DIP2C: variants seen among roughly 807,000 people sequenced by gnomAD.
DIP2C encodes the protein disco-interacting protein 2 homolog C.
A neutral mutation model predicts 192.4 loss-of-function variants in DIP2C; 33 were observed. That is an observed-to-expected ratio of 0.17 (90% CI 0.13 to 0.23). The LOEUF is 0.23. Ranked by LOEUF, DIP2C falls within the 10% of genes least tolerant of loss-of-function variation. The pLI is 1.00. For missense variants in DIP2C, 1,537 were observed against 2,110.1 expected, an observed-to-expected ratio of 0.73 and a Z score of 5.32; for synonymous variants, 979 against 864.1, an observed-to-expected ratio of 1.13 and a Z score of -2.33.
At chr10:575,887 T>TGC (rs1242065298) in intron 1 of DIP2C, among the ~76,000 whole-genome samples, 1 of 152,214 alleles carries the variant, frequency 6.6e-6, no homozygotes, top group Non-Finnish European at 1.5e-5. Context: ...TGGTCTTACC[T>TGC]GCGCCTCTCC....
intron 1 of DIP2C, among the ~76,000 whole-genome samples, chr10:671,796 A>G (rs371031788): frequency 0.012 from 1,602 of 138,030 alleles, no homozygotes; most frequent in African/African-American, 0.045. Flanking sequence ...GACGGAGGAA[A>G]CAGGCCACAG....
At chr10:390,673 G>A (rs1317766757) in intron 11 of DIP2C, 67 bp downstream of exon 11, 18 of 1,566,704 alleles carry the variant, frequency 1.1e-5, no homozygotes, top group African/African-American at 6.8e-5. Flanking sequence ...GCGGGGTGAC[G>A]TATTCCCGCA....
intron 10 of DIP2C, among the ~76,000 whole-genome samples, chr10:397,581 C>T (rs1964095479): frequency 6.6e-6 from 1 of 151,656 alleles, no homozygotes; most frequent in South Asian, 2.1e-4. Flanking sequence ...GCAGTGTGCA[C>T]AGGCACATTG....
At chr10:568,857 C>A (rs1264126074) in intron 1 of DIP2C, among the ~76,000 whole-genome samples, 1 of 146,914 alleles carries the variant, frequency 6.8e-6, no homozygotes, top group Non-Finnish European at 1.5e-5. Flanking sequence ...CAAATGTCTA[C>A]CTGCAATGAG....
At chr10:537,853 G>C (rs946400606) in intron 1 of DIP2C, among the ~76,000 whole-genome samples, 4 of 150,858 alleles carry the variant, frequency 2.7e-5, no homozygotes, top group African/African-American at 7.3e-5. Context: ...GTGCAGTGGC[G>C]ATCTCGGCTC....
In DIP2C at chr10:405,279, GTTC is replaced by G. The variant is rs1342053287; in HGVS notation, c.1149+3644_1149+3646del. Among the ~76,000 whole-genome samples the G allele has an allele frequency of 7.9e-5, 12 of 152,200 alleles. No individual in the cohort carries two copies. The South Asian group carries it at 1.4e-3, about 18-fold the overall frequency. On this transcript the variant is annotated intron_variant, in intron 9 of 36. Transcript: ENST00000280886. ...CTCCTGTTGCCTCTGCTCAAAGGAA[GTTC>G]TTCTTTATCAGGGGTTTAAAATTCT...
At chr10:350,937 T>C (rs944867958) in intron 24 of DIP2C, among the ~76,000 whole-genome samples, 5 of 152,168 alleles carry the variant, frequency 3.3e-5, no homozygotes, top group Non-Finnish European at 5.9e-5. Context: ...TGAGCCATCA[T>C]GCCCAGCCCA....
chr10:579,516 G>A (rs570902426), intron 1 of DIP2C, among the ~76,000 whole-genome samples: 1 of 150,336 alleles, frequency 6.7e-6, no homozygotes, highest in Non-Finnish European at 1.5e-5. Context: ...TGTACATGCA[G>A]AGAGCATACA....
rs1291791055 is a variant in DIP2C, at chr10:287,839, G to A, written c.4044+525C>T. ...ATTCTTTTCTACTTTCATAGTAATA[G>A]ATACCCTGATTTTTAGGTAGGCCTT... On this transcript the variant is annotated intron_variant, in intron 33 of 36. Transcript: ENST00000280886. Among the ~76,000 whole-genome samples the A allele has an allele frequency of 2.0e-5, 3 of 152,104 alleles. No homozygotes were observed. The East Asian group carries it at 5.8e-4, about 29-fold the overall frequency.
At chr10:507,501 T>C (rs1431571774) in intron 1 of DIP2C, among the ~76,000 whole-genome samples, 1 of 151,692 alleles carries the variant, frequency 6.6e-6, no homozygotes, top group African/African-American at 2.4e-5. Flanking sequence ...ATCAGAGGTG[T>C]GTGAGGTTAG....
In DIP2C at chr10:307,635, C is replaced by T. The variant is rs145970914; in HGVS notation, c.3986+2396G>A. ...GGGCCCAGCCAGACGGAGGGGACCA[C>T]AGACAGACCTGGTTAGAAAGGTCAA... is the stretch of plus-strand genomic sequence containing the variant. On this transcript the variant is annotated intron_variant, in intron 32 of 36. Transcript: ENST00000280886. Among the ~76,000 whole-genome samples the T allele has an allele frequency of 1.2e-3, 175 of 151,948 alleles. 1 individual carries two copies. The East Asian group carries it at 0.03, about 26-fold the overall frequency.
intron 1 of DIP2C, among the ~76,000 whole-genome samples, chr10:674,810 A>AGAGAGAGG (rs1830812658): frequency 6.9e-6 from 1 of 145,858 alleles, no homozygotes; most frequent in African/African-American, 2.6e-5. Flanking sequence ...AGAGAGAGAG[A>AGAGAGAGG]GAGAGAGAGA....
At chr10:593,255 G>C (rs975858276) in intron 1 of DIP2C, among the ~76,000 whole-genome samples, 1 of 152,054 alleles carries the variant, frequency 6.6e-6, no homozygotes, top group Non-Finnish European at 1.5e-5. Context: ...CTGGGGCTCA[G>C]CTCTGCCCCA....
chr10:511,109 G>C (rs1409734625), intron 1 of DIP2C, among the ~76,000 whole-genome samples: 1 of 152,182 alleles, frequency 6.6e-6, no homozygotes, highest in African/African-American at 2.4e-5. Flanking sequence ...TTCTGAAGTC[G>C]GTGTTTCTGG....
chr10:511,432 C>T (rs537156350), intron 1 of DIP2C, among the ~76,000 whole-genome samples: 1 of 152,216 alleles, frequency 6.6e-6, no homozygotes, highest in Non-Finnish European at 1.5e-5. Flanking sequence ...GTAAAATAAC[C>T]AACAAGATTG....
intron 8 of DIP2C, among the ~76,000 whole-genome samples, chr10:411,091 A>C (rs112031958): frequency 3.1e-4 from 47 of 152,342 alleles, no homozygotes; most frequent in African/African-American, 1.1e-3. Context: ...AGACACCATC[A>C]ACCACGCAAA....
chr10:568,138 C>T (rs1849556685), intron 1 of DIP2C, among the ~76,000 whole-genome samples: 1 of 152,218 alleles, frequency 6.6e-6, no homozygotes, highest in South Asian at 2.1e-4. Flanking sequence ...ACAAGCACAG[C>T]AGAAACCACC....
intron 4 of DIP2C, among the ~76,000 whole-genome samples, chr10:436,869 T>C (rs745514787): frequency 2.3e-4 from 32 of 140,330 alleles, no homozygotes; most frequent in Non-Finnish European, 4.3e-4. Context: ...CTCCTGGACA[T>C]GGTAGGGTGA....
chr10:335,951 T>A (rs1340764486), intron 29 of DIP2C, among the ~76,000 whole-genome samples: 1 of 152,176 alleles, frequency 6.6e-6, no homozygotes, highest in Non-Finnish European at 1.5e-5. Flanking sequence ...CAGGCTTGAG[T>A]GCAGTGGCGT....
Sources: gnomAD v4.1 joint callset for allele counts (sites outside exome capture counted in the v4.1 genomes callset) on GRCh38, gnomAD v4.1.1 for gene constraint, MANE v1.5 for transcripts, NCBI Gene and HGNC (gene_info 2026-07-23, HGNC 2026-07-21) for gene names.